BTBD9: variants seen among roughly 807,000 people sequenced by gnomAD.
BTBD9 encodes BTB domain containing 9.
A neutral mutation model predicts 64.3 loss-of-function variants in BTBD9; 49 were observed. The observed-to-expected ratio is 0.76, with a 90% CI of 0.61 to 0.97. BTBD9 has a LOEUF of 0.97. Ranked by LOEUF, BTBD9 falls within the 50% of genes least tolerant of loss-of-function variation. BTBD9 has a pLI of 0.00. For synonymous variants in BTBD9, 260 were observed against 274.7 expected, an observed-to-expected ratio of 0.95 and a Z score of 0.53; for missense variants, 598 against 762.1, an observed-to-expected ratio of 0.78 and a Z score of 2.53.
At chr6:38,464,716 G>T (rs1427569826) in intron 6 of BTBD9, among the ~76,000 whole-genome samples, 1 of 152,082 alleles carries the variant, frequency 6.6e-6, no homozygotes. Flanking sequence ...GGCTAGTCTT[G>T]AACTCCTGAC....
intron 6 of BTBD9, among the ~76,000 whole-genome samples, chr6:38,467,849 T>C (rs1277283438): frequency 6.6e-6 from 1 of 152,230 alleles, no homozygotes; most frequent in African/African-American, 2.4e-5. Flanking sequence ...TAGATTCTAT[T>C]TCCAAAATGT....
At chr6:38,352,160 T>G (rs770092599) in intron 6 of BTBD9, among the ~76,000 whole-genome samples, 7 of 152,044 alleles carry the variant, frequency 4.6e-5, no homozygotes, top group Non-Finnish European at 1.0e-4. Flanking sequence ...GAGGATCACT[T>G]GAGCCTAGGA....
intron 6 of BTBD9, among the ~76,000 whole-genome samples, chr6:38,463,615 A>C (rs576660072): frequency 6.6e-6 from 1 of 152,360 alleles, no homozygotes; most frequent in African/African-American, 2.4e-5. Flanking sequence ...CTTTATTAAG[A>C]AGATCACATG....
intron 6 of BTBD9, among the ~76,000 whole-genome samples, chr6:38,492,168 C>A (rs1771732592): frequency 6.6e-6 from 1 of 152,182 alleles, no homozygotes. Flanking sequence ...GCCTTTCCAT[C>A]CAAAGGCCTC....
chr6:38,491,240 G>A (rs546352262), intron 6 of BTBD9, among the ~76,000 whole-genome samples: 8 of 152,220 alleles, frequency 5.3e-5, no homozygotes, highest in Non-Finnish European at 7.3e-5. Flanking sequence ...GGAAATACCC[G>A]CAAACACAAT....
intron 9 of BTBD9, among the ~76,000 whole-genome samples, chr6:38,215,353 G>C (rs1762977368): frequency 6.6e-6 from 1 of 152,158 alleles, no homozygotes; most frequent in Admixed American, 6.5e-5. Flanking sequence ...TAGAGTGATG[G>C]AGACGAACAG....
At chr6:38,615,528 T>C (rs937947338) in intron 1 of BTBD9, among the ~76,000 whole-genome samples, 56 of 152,316 alleles carry the variant, frequency 3.7e-4, no homozygotes, top group African/African-American at 1.3e-3. Context: ...TCAAAGCTTA[T>C]TACTGACTTA....
At chr6:38,585,371 T>C (rs10947752) in intron 4 of BTBD9, among the ~76,000 whole-genome samples, 102,013 of 151,674 alleles carry the variant, frequency 0.67, 34,957 homozygotes, top group African/African-American at 0.82. Flanking sequence ...TGTGGTGGGA[T>C]GATTATAGCT....
At chr6:38,604,407 A>T (rs1777355667) in intron 1 of BTBD9, among the ~76,000 whole-genome samples, 1 of 152,200 alleles carries the variant, frequency 6.6e-6, no homozygotes, top group Non-Finnish European at 1.5e-5. Context: ...TTGATTCTCC[A>T]CTTCTTTGCC....
Position 38,174,754 on chromosome 6 carries a change from C to T in BTBD9, c.*231G>A, listed in dbSNP as rs1581991843. 4 of 550,680 alleles carry T rather than the reference C, an allele frequency of 7.3e-6. No homozygotes were observed. The East Asian group carries it at 1.2e-4, about 16-fold the overall frequency. 34.1% of individuals were successfully genotyped at this position (550,680 alleles called of 1,614,324 possible). On this transcript the variant is annotated 3_prime_UTR_variant, in exon 11 of 11. Coordinates refer to ENST00000481247, the MANE Select transcript of BTBD9 (RefSeq NM_001099272.2). ...TGGTGGACTTGATGAAGATTGAAGA[C>T]CCATTTTCTCCCCCTTGAGACCTGC... is the stretch of plus-strand genomic sequence containing the variant.
chr6:38,282,132 T>C (rs776781221), intron 8 of BTBD9, among the ~76,000 whole-genome samples: 21 of 152,228 alleles, frequency 1.4e-4, no homozygotes, highest in Non-Finnish European at 2.9e-4. Context: ...TGGTTAGTTA[T>C]TATGACTCTA....
chr6:38,203,126 T>C (rs1762521560), intron 9 of BTBD9, among the ~76,000 whole-genome samples: 1 of 152,118 alleles, frequency 6.6e-6, no homozygotes, highest in Admixed American at 6.5e-5. Flanking sequence ...CAATGAGATA[T>C]CATCTTACCT....
chr6:38,620,201 C>T (rs1451388867), intron 1 of BTBD9, among the ~76,000 whole-genome samples: 1 of 152,232 alleles, frequency 6.6e-6, no homozygotes, highest in Non-Finnish European at 1.5e-5. Flanking sequence ...ACCAAAAGGT[C>T]AGTGGAGACT....
chr6:38,269,279 A>G (rs921343514), intron 8 of BTBD9, among the ~76,000 whole-genome samples: 1 of 152,240 alleles, frequency 6.6e-6, no homozygotes, highest in South Asian at 2.1e-4. Context: ...AAAGATAATT[A>G]ATCAATTTAA....
At chr6:38,236,601 T>G (rs1763784404) in intron 9 of BTBD9, among the ~76,000 whole-genome samples, 1 of 152,168 alleles carries the variant, frequency 6.6e-6, no homozygotes, top group African/African-American at 2.4e-5. Context: ...AAATCCTAAT[T>G]TAATTCAGCC....
rs1767671093 is a variant in BTBD9, at chr6:38,416,468, G to T, written c.1155-71375C>A. 2.0e-5 allele frequency among the ~76,000 whole-genome samples: 3 copies of T among 149,360 alleles called. No individual in the cohort carries two copies. In the South Asian group the frequency reaches 6.4e-4, roughly 32 times the overall value. Reference sequence around the variant, plus strand: ...TCCTGCCTCAGCCTCCCGAGTATCTGGGACTACAGGTGCCCGCCACCATGC... The same window carrying T: ...TCCTGCCTCAGCCTCCCGAGTATCTTGGACTACAGGTGCCCGCCACCATGC... On this transcript the variant is annotated intron_variant, in intron 6 of 10. Coordinates refer to ENST00000481247, the MANE Select transcript of BTBD9 (RefSeq NM_001099272.2).
Position 38,171,880 on chromosome 6 carries a change from A to AAAAAAAAAAAAAT in BTBD9, c.*3104_*3105insATTTTTTTTTTTT, listed in dbSNP as rs1766800472. The AAAAAAAAAAAAAT allele has an allele frequency of 1.1e-5, 1 of 89,560 alleles. No individual in the cohort carries two copies. Among genetic ancestry groups the AAAAAAAAAAAAAT allele is most frequent in the Non-Finnish European group, 2.0e-5 (1 of 50,206 alleles). 5.5% of individuals were successfully genotyped at this position (89,560 alleles called of 1,614,324 possible). On this transcript the variant is annotated 3_prime_UTR_variant, in exon 11 of 11. Coordinates refer to ENST00000481247, the MANE Select transcript of BTBD9 (RefSeq NM_001099272.2). ...AAAAAAAAAAAAAAAAAAAAAAAAA[A>AAAAAAAAAAAAAT]AATAATAATAATAATAATAATAATA...
chr6:38,196,182 C>G (rs1049851965), intron 9 of BTBD9, among the ~76,000 whole-genome samples: 2 of 152,226 alleles, frequency 1.3e-5, no homozygotes, highest in African/African-American at 2.4e-5. Flanking sequence ...TGTACCCTGG[C>G]TGCCAGTGTT....
chr6:38,435,579 CCTT>C (rs1346763949), intron 6 of BTBD9, among the ~76,000 whole-genome samples: 9 of 132,912 alleles, frequency 6.8e-5, no homozygotes, highest in African/African-American at 2.5e-4. Context: ...TTCTTTCCTT[CCTT>C]CTTTCTTTTC....
Sources: allele counts gnomAD v4.1 joint callset (sites outside exome capture counted in the v4.1 genomes callset), GRCh38; gene constraint gnomAD v4.1.1; transcripts MANE v1.5; gene names NCBI Gene and HGNC (gene_info 2026-07-23, HGNC 2026-07-21).